Variants in ZBTB8B observed in about 807,000 individuals in gnomAD.
The protein encoded by ZBTB8B is zinc finger and BTB domain-containing protein 8B.
Under a neutral mutation model 30.3 loss-of-function variants are expected in ZBTB8B, and 17 were observed. The observed-to-expected ratio is 0.56, with a 90% CI of 0.38 to 0.84. ZBTB8B has a LOEUF of 0.84. Among genes scored for constraint, ZBTB8B ranks in the 40% least tolerant of loss-of-function variants. The probability of loss-of-function intolerance (pLI) is 0.00; values close to 1 mark genes in which losing one functional copy is unlikely to be tolerated. For synonymous variants in ZBTB8B, 248 were observed against 255.6 expected, an observed-to-expected ratio of 0.97 and a Z score of 0.28; for missense variants, 515 against 644.9, an observed-to-expected ratio of 0.80 and a Z score of 2.18.
In ZBTB8B at chr1:32,470,804, C is replaced by T. The variant is rs1643611508; in HGVS notation, c.180C>T (p.Ser60=). Residue 60 remains serine (S), a synonymous_variant, in exon 2 of 4, where the codon AGC becomes AGT. Coordinates refer to ENST00000609129, the MANE Select transcript of ZBTB8B (RefSeq NM_001145720.2). ...RALLIHYIQD[S]GRHSTASLDI... ...TGCTCATTCACTATATCCAGGACAG[C>T]GGGCGGCATAGCACCGCCTCCTTGG... The T allele has an allele frequency of 1.9e-6, 3 of 1,551,826 alleles. No individual in the cohort carries two copies. Among genetic ancestry groups the T allele is most frequent in the East Asian group, 2.4e-5 (1 of 40,918 alleles).
intron 1 of ZBTB8B, among the ~76,000 whole-genome samples, chr1:32,467,878 T>C (rs11802828): frequency 0.15 from 23,331 of 151,602 alleles, 2,090 homozygotes; most frequent in African/African-American, 0.24. Context: ...TTTAGGAGGC[T>C]GAGGGGGGCA....
intron 3 of ZBTB8B, among the ~76,000 whole-genome samples, chr1:32,482,365 T>C (rs1643711841): frequency 6.6e-6 from 1 of 151,960 alleles, no homozygotes; most frequent in African/African-American, 2.4e-5. Flanking sequence ...TGATCTTCAA[T>C]GGACGCTCTT....
At chr1:32,478,373 A>T (rs536969709) in intron 2 of ZBTB8B, among the ~76,000 whole-genome samples, 16 of 152,136 alleles carry the variant, frequency 1.1e-4, no homozygotes, top group African/African-American at 3.6e-4. Flanking sequence ...TTAGCCAGGC[A>T]TGGTGGTGTG....
At position 32,492,424 on chromosome 1, in the gene ZBTB8B, T is replaced by G. The variant is rs186098020; in HGVS notation, c.*7006T>G. On this transcript the variant is annotated 3_prime_UTR_variant, in exon 4 of 4. Coordinates refer to ENST00000609129, the MANE Select transcript of ZBTB8B (RefSeq NM_001145720.2). ...TTGAAGCGATTCTCCTGTCTCAGCC[T>G]CCTGAGTAGCTGGGATTACAGGCGC... 6.6e-6 allele frequency: 1 copy of G among 151,336 alleles called. No homozygotes were observed. The highest frequency in any genetic ancestry group is 2.0e-4 in the East Asian group (1 of 5,092). 9.4% of individuals were successfully genotyped at this position (151,336 alleles called of 1,614,324 possible).
chr1:32,479,011 T>C (rs1468158506), intron 2 of ZBTB8B, among the ~76,000 whole-genome samples: 1 of 152,132 alleles, frequency 6.6e-6, no homozygotes, highest in Non-Finnish European at 1.5e-5. Context: ...TCCTGTGAGG[T>C]GGGAACTGTT....
intron 2 of ZBTB8B, among the ~76,000 whole-genome samples, chr1:32,471,918 C>T (rs535897019): frequency 6.6e-6 from 1 of 150,850 alleles, no homozygotes; most frequent in Admixed American, 6.6e-5. Context: ...ATCACCAGTA[C>T]TATTCATTAC....
At chr1:32,470,242 T>A (rs908275250) in intron 1 of ZBTB8B, among the ~76,000 whole-genome samples, 3 of 152,082 alleles carry the variant, frequency 2.0e-5, no homozygotes, top group Non-Finnish European at 4.4e-5. Context: ...GGCTCACGCC[T>A]GTAATCCCAG....
chr1:32,473,715 C>T (rs1643641196), intron 2 of ZBTB8B, among the ~76,000 whole-genome samples: 1 of 152,114 alleles, frequency 6.6e-6, no homozygotes, highest in South Asian at 2.1e-4. Context: ...GAGACAAGGT[C>T]TCCCTATGTT....
In ZBTB8B at chr1:32,493,257, C is replaced by T. The variant is rs928105300; in HGVS notation, c.*7839C>T. 2.0e-5 allele frequency: 3 copies of T among 152,100 alleles called. No individual in the cohort carries two copies. Among genetic ancestry groups the T allele is most frequent in the Non-Finnish European group, 2.9e-5 (2 of 68,062 alleles). The allele number at this position is 152,100 out of a possible 1,614,324, so 9.4% of individuals were successfully genotyped here. ...TCCCAGGTTCAAGTGATTCCCCTGC[C>T]TCAGCCTCCCGAGTAGCTGGCACTA... On this transcript the variant is annotated 3_prime_UTR_variant, in exon 4 of 4. Transcript: ENST00000609129.
intron 2 of ZBTB8B, 73 bp from the exon 3 acceptor site, chr1:32,480,818 C>T (rs1643698059): frequency 3.5e-6 from 5 of 1,409,292 alleles, no homozygotes; most frequent in Non-Finnish European, 4.8e-6. Context: ...AGCTCTGGAT[C>T]CCATCCACCG....
Position 32,488,629 on chromosome 1 carries a change from A to G in ZBTB8B, c.*3211A>G, listed in dbSNP as rs1201495152. 1 of 152,218 alleles carries G rather than the reference A, an allele frequency of 6.6e-6. No homozygotes were observed. The highest frequency in any genetic ancestry group is 2.4e-5 in the African/African-American group (1 of 41,448). 9.4% of individuals were successfully genotyped at this position (152,218 alleles called of 1,614,324 possible). A position where few individuals can be genotyped will look rare whatever the true frequency, so the allele number is the denominator to read the frequency against. On this transcript the variant is annotated 3_prime_UTR_variant, in exon 4 of 4. Coordinates refer to ENST00000609129, the MANE Select transcript of ZBTB8B (RefSeq NM_001145720.2). ...AATGCACAGGACAGTCCCCACAACA[A>G]TGAATTCTCCAATTCAAAATGTCAG...
intron 2 of ZBTB8B, among the ~76,000 whole-genome samples, chr1:32,474,384 T>TAAAAAAAAAAAA (rs1643647191): frequency 1.7e-5 from 1 of 58,020 alleles, no homozygotes; most frequent in African/African-American, 6.7e-5. Context: ...AAAAAAAAAT[T>TAAAAAAAAAAAA]GAAAAATTAG....
chr1:32,471,164 C>A lies in ZBTB8B; in HGVS notation c.540C>A (p.Ala180=), dbSNP rs774984832. 1.7e-5 allele frequency: 27 copies of A among 1,551,794 alleles called. No homozygotes were observed. The African/African-American group carries it at 3.6e-4, about 20-fold the overall frequency. The stretch of plus-strand genomic sequence containing the variant: ...CCAAGAGCTTGGTCTCCTCTCCAGC[C>A]GAGGGAGAAAAGAGCGTGGAGTGCC... ...CGTKSLVSSP[A]EGEKSVECLR... The change falls in exon 2 of 4, where the codon GCC becomes GCA. Residue 180 remains alanine, a synonymous_variant. Transcript: ENST00000609129.
Position 32,471,423 on chromosome 1 carries a change from G to T in ZBTB8B, c.799G>T (p.Ala267Ser). 6.4e-7 allele frequency: 1 copy of T among 1,551,818 alleles called. No individual in the cohort carries two copies. The highest frequency in any genetic ancestry group is 8.7e-7 in the Non-Finnish European group (1 of 1,147,024). Residue 267 changes from alanine (A) to serine (S), a missense_variant, in exon 2 of 4, where the codon GCG becomes TCG. This residue lies in a region of ZBTB8B where 429 missense variants were observed against 504.3 expected (regional missense o/e 0.85). Coordinates refer to ENST00000609129, the MANE Select transcript of ZBTB8B (RefSeq NM_001145720.2). ...HVEEALPSGQ[A>S]VDLAYSNYHV... ...GGAGGAGGCCTTGCCAAGCGGCCAG[G>T]CGGTTGACTTGGCTTACAGCAACTA...
chr1:32,496,634 TA>T lies in ZBTB8B; in HGVS notation c.*11217del, dbSNP rs1334877255. On this transcript the variant is annotated 3_prime_UTR_variant, in exon 4 of 4. Coordinates refer to ENST00000609129, the MANE Select transcript of ZBTB8B (RefSeq NM_001145720.2). ...TATTGTTTTGCTGTTTTTACTTTTT[TA>T]TATATAAAGAACTAAAATTACGAGA... 2 of 152,236 alleles carry T rather than the reference TA, an allele frequency of 1.3e-5. No individual in the cohort carries two copies. The highest frequency in any genetic ancestry group is 2.9e-5 in the Non-Finnish European group (2 of 68,036). 9.4% of individuals were successfully genotyped at this position (152,236 alleles called of 1,614,324 possible).
chr1:32,491,428 G>A lies in ZBTB8B; in HGVS notation c.*6010G>A, dbSNP rs1643778881. 3 of 152,294 alleles carry A rather than the reference G, an allele frequency of 2.0e-5. No homozygotes were observed. The South Asian group carries it at 6.2e-4, about 32-fold the overall frequency. The allele number at this position is 152,294 out of a possible 1,614,324, so 9.4% of individuals were successfully genotyped here. The stretch of plus-strand genomic sequence containing the variant: ...TTAGAAACATTCAAATTTATAAACT[G>A]CCACACTTGGCATCAGATTCACTTA... On this transcript the variant is annotated 3_prime_UTR_variant, in exon 4 of 4. Coordinates refer to ENST00000609129, the MANE Select transcript of ZBTB8B (RefSeq NM_001145720.2).
rs917820810 is a variant in ZBTB8B at position 32,494,437 on chromosome 1, G to A, written c.*9019G>A. The A allele has an allele frequency of 1.1e-4, 17 of 152,140 alleles. No individual in the cohort carries two copies. Among genetic ancestry groups the A allele is most frequent in the African/African-American group, 4.1e-4 (17 of 41,414 alleles). The allele number at this position is 152,140 out of a possible 1,614,324, so 9.4% of individuals were successfully genotyped here. On this transcript the variant is annotated 3_prime_UTR_variant, in exon 4 of 4. Transcript: ENST00000609129. ...TCATAGATAACATTTGTTTCCCTGG[G>A]TATCCATCAGACCAGAGGCACAGGA...
intron 2 of ZBTB8B, among the ~76,000 whole-genome samples, chr1:32,472,468 T>G (rs956544766): frequency 6.6e-6 from 1 of 152,168 alleles, no homozygotes; most frequent in African/African-American, 2.4e-5. Context: ...GTCAGTTTTG[T>G]GTGGGGAGAA....
At position 32,481,031 on chromosome 1, in the gene ZBTB8B, T is replaced by A; in HGVS notation, c.1132T>A (p.Phe378Ile). The change falls in exon 3 of 4, where the codon TTC becomes ATC. Residue 378 changes from phenylalanine to isoleucine, a missense_variant. Around this residue, in one of 3 missense-constraint regions of ZBTB8B, gnomAD observed 429 missense variants for 504.3 expected, o/e 0.85. Transcript: ENST00000609129. Reference protein sequence around the residue: ...PYPCETCGKRFTRQEHLRSHA... With the variant: ...PYPCETCGKRITRQEHLRSHA... ...CCCCTGTGAGACCTGCGGCAAGAGG[T>A]TCACTCGACAAGAGCACCTGCGGAG... The A allele has an allele frequency of 6.4e-7, 1 of 1,551,880 alleles. No homozygotes were observed. The highest frequency in any genetic ancestry group is 1.2e-5 in the South Asian group (1 of 84,014).
Sources: gnomAD v4.1 joint callset for allele counts (sites outside exome capture counted in the v4.1 genomes callset) on GRCh38, gnomAD v4.1.1 for gene constraint, gnomAD v4.1.1 regional missense constraint, MANE v1.5 for transcripts, NCBI Gene and HGNC (gene_info 2026-07-23, HGNC 2026-07-21) for gene names.